The following OPRM1 variants were observed in gnomAD, a reference collection of about 807,000 sequenced individuals.
OPRM1 encodes the protein opioid receptor mu 1, also known as mu-type opioid receptor.
OPRM1 carries 27 observed loss-of-function variants against 31.8 expected under a neutral mutation model. The observed-to-expected ratio is 0.85, with a 90% CI of 0.63 to 1.17. The LOEUF (loss-of-function observed/expected upper bound fraction) is 1.17. OPRM1 is among the 50% of genes most tolerant of loss of function. The probability of loss-of-function intolerance (pLI) is 0.00; values close to 1 mark genes in which losing one functional copy is unlikely to be tolerated. For synonymous variants in OPRM1, 196 were observed against 189.9 expected (o/e 1.03, Z -0.26); for missense variants, 536 against 511.1 (o/e 1.05, Z -0.47).
chr6:154,202,625 T>C (rs1777162475), intron 3 of OPRM1, among the ~76,000 whole-genome samples: 1 of 152,218 alleles, frequency 6.6e-6, no homozygotes, highest in Non-Finnish European at 1.5e-5. Flanking sequence ...ACTGGGCTAT[T>C]TGAACAACAG....
At chr6:154,152,180 A>AG (rs1435003480) in intron 3 of OPRM1, among the ~76,000 whole-genome samples, 1 of 145,018 alleles carries the variant, frequency 6.9e-6, no homozygotes, top group Non-Finnish European at 1.5e-5. Context: ...CAAAAAAAAA[A>AG]AAGAAAGAGA....
downstream of OPRM1, among the ~76,000 whole-genome samples, chr6:154,135,186 C>T (rs74681740): frequency 0.052 from 7,974 of 152,242 alleles, 695 homozygotes; most frequent in African/African-American, 0.18. Context: ...TATTGACATT[C>T]GGCCAAGTGC....
chr6:154,089,253 A>G (rs1791402882), intron 1 of OPRM1, among the ~76,000 whole-genome samples: 1 of 151,930 alleles, frequency 6.6e-6, no homozygotes, highest in Non-Finnish European at 1.5e-5. Flanking sequence ...CCCTCTTTCT[A>G]TTAGACCTAT....
At chr6:154,118,431 T>C (rs1797098344) in intron 3 of OPRM1, among the ~76,000 whole-genome samples, 1 of 152,218 alleles carries the variant, frequency 6.6e-6, no homozygotes, top group Non-Finnish European at 1.5e-5. Context: ...ATAATCTCTC[T>C]ATAATGACTA....
At chr6:154,243,757 G>A (rs879541800) in intron 3 of OPRM1, among the ~76,000 whole-genome samples, 9 of 152,206 alleles carry the variant, frequency 5.9e-5, no homozygotes, top group African/African-American at 9.7e-5. Flanking sequence ...AGGAGTCCAA[G>A]GGACCTGAAT....
At chr6:154,229,272 T>C (rs1309239912) in intron 3 of OPRM1, among the ~76,000 whole-genome samples, 1 of 151,900 alleles carries the variant, frequency 6.6e-6, no homozygotes, top group Non-Finnish European at 1.5e-5. Flanking sequence ...AATGAATGAA[T>C]GAACTATAAT....
intron 3 of OPRM1, among the ~76,000 whole-genome samples, chr6:154,222,322 A>G (rs1334847241): frequency 1.3e-5 from 2 of 152,260 alleles, no homozygotes; most frequent in Non-Finnish European, 1.5e-5. Flanking sequence ...GACATGTGCA[A>G]CCACACCACA....
At chr6:154,070,133 G>T (rs1051633656) in intron 1 of OPRM1, among the ~76,000 whole-genome samples, 23 of 152,326 alleles carry the variant, frequency 1.5e-4, no homozygotes, top group African/African-American at 5.3e-4. Context: ...CACAGGTTCT[G>T]CTATTTGGAT....
At chr6:154,167,056 T>C (rs892624922) in intron 3 of OPRM1, among the ~76,000 whole-genome samples, 4 of 152,238 alleles carry the variant, frequency 2.6e-5, no homozygotes, top group Non-Finnish European at 5.9e-5. Flanking sequence ...CCTGCCTTTG[T>C]AGCCTTGTCC....
At chr6:154,078,613 A>G (rs1438590872) in intron 1 of OPRM1, among the ~76,000 whole-genome samples, 1 of 152,228 alleles carries the variant, frequency 6.6e-6, no homozygotes, top group Non-Finnish European at 1.5e-5. Context: ...GCTCACACCT[A>G]TAATCCCAGC....
upstream of OPRM1, among the ~76,000 whole-genome samples, chr6:154,034,368 C>T (rs1306326640): frequency 2.6e-5 from 4 of 152,126 alleles, no homozygotes; most frequent in African/African-American, 9.7e-5. Context: ...CACGGTGAAA[C>T]CGCGTCTCTA....
At chr6:154,152,761 G>A (rs1179451609) in intron 3 of OPRM1, among the ~76,000 whole-genome samples, 1 of 152,082 alleles carries the variant, frequency 6.6e-6, no homozygotes, top group African/African-American at 2.4e-5. Flanking sequence ...ACCAGGTCTT[G>A]TTCTGTCACC....
chr6:154,045,899 T>C (rs1176531422), intron 1 of OPRM1, among the ~76,000 whole-genome samples: 1 of 152,150 alleles, frequency 6.6e-6, no homozygotes, highest in African/African-American at 2.4e-5. Context: ...AGGTGCCAAC[T>C]ACAAGGCACA....
At chr6:154,056,771 A>C (rs574651470) in intron 1 of OPRM1, among the ~76,000 whole-genome samples, 1 of 152,212 alleles carries the variant, frequency 6.6e-6, no homozygotes, top group South Asian at 2.1e-4. Flanking sequence ...ATGTTAATTG[A>C]AAAACGTTGC....
chr6:154,036,918 A>C (rs1779337751), upstream of OPRM1, among the ~76,000 whole-genome samples: 2 of 152,112 alleles, frequency 1.3e-5, no homozygotes, highest in African/African-American at 4.8e-5. Context: ...CTATGTATTA[A>C]GTACTGTGTT....
intron 3 of OPRM1, chr6:154,107,582 G>T (rs1583578066): frequency 2.8e-6 from 2 of 718,524 alleles, no homozygotes; most frequent in Non-Finnish European, 5.2e-6. Context: ...TTTTGAGTTT[G>T]CAAAGGCTTG....
intron 1 of OPRM1, among the ~76,000 whole-genome samples, chr6:154,077,488 T>C (rs925913710): frequency 1.3e-5 from 2 of 151,144 alleles, no homozygotes; most frequent in African/African-American, 4.8e-5. Flanking sequence ...CCCAGCACTT[T>C]GGGAGGCTGA....
chr6:154,086,377 T>C (rs1326386672), intron 1 of OPRM1: 1 of 164,194 alleles, frequency 6.1e-6, no homozygotes, highest in Admixed American at 6.5e-5. Flanking sequence ...AACAGCATCA[T>C]TCCTATAAAA....
chr6:154,029,173 G>T (rs370645146), intron 1 of OPRM1, among the ~76,000 whole-genome samples: 38 of 152,158 alleles, frequency 2.5e-4, no homozygotes, highest in African/African-American at 8.9e-4. Flanking sequence ...AAACAGTGCC[G>T]CCTTTAAACT....
Sources: gnomAD v4.1 joint callset for allele counts (sites outside exome capture counted in the v4.1 genomes callset) on GRCh38, gnomAD v4.1.1 for gene constraint, MANE v1.5 for transcripts, NCBI Gene and HGNC (gene_info 2026-07-23, HGNC 2026-07-21) for gene names.